Variants in CAPN14 observed in about 807,000 individuals in gnomAD.
The protein encoded by CAPN14 is calpain 14, also known as calpain-14.
CAPN14 carries 94 observed loss-of-function variants against 101.3 expected under a neutral mutation model. The ratio of observed to expected loss-of-function variants is 0.93; its 90% CI spans 0.79 to 1.10. The LOEUF is 1.10. Ranked by LOEUF, CAPN14 falls within the 50% of genes least tolerant of loss-of-function variation. The pLI, the probability that CAPN14 is intolerant of heterozygous loss-of-function variation, is 0.00. For missense variants in CAPN14, 837 were observed against 828.4 expected, an observed-to-expected ratio of 1.01 and a Z score of -0.13; for synonymous variants, 338 against 317.9, an observed-to-expected ratio of 1.06 and a Z score of -0.67.
chr2:31,215,958 C>T (rs1037799529), intron 1 of CAPN14, among the ~76,000 whole-genome samples: 1 of 151,552 alleles, frequency 6.6e-6, no homozygotes, highest in Non-Finnish European at 1.5e-5. Context: ...ATGCTTAAAT[C>T]TATGCACCAA....
chr2:31,187,689 T>C, intron 15 of CAPN14, 69 bp downstream of exon 15: 1 of 1,383,060 alleles, frequency 7.2e-7, no homozygotes, highest in Middle Eastern at 1.8e-4. Flanking sequence ...AAACCTATAC[T>C]TTATAAAATG....
At chr2:31,206,084 G>C (rs1167922300) in intron 1 of CAPN14, among the ~76,000 whole-genome samples, 4 of 146,682 alleles carry the variant, frequency 2.7e-5, no homozygotes, top group South Asian at 2.2e-4. Flanking sequence ...CCAGGCTGGA[G>C]TGCAGTGGCG....
At chr2:31,227,262 G>A (rs1355512800) in intron 1 of CAPN14, among the ~76,000 whole-genome samples, 1 of 152,164 alleles carries the variant, frequency 6.6e-6, no homozygotes, top group Non-Finnish European at 1.5e-5. Flanking sequence ...CTGCACCCAG[G>A]GATGAAACTG....
At chr2:31,224,267 A>C (rs1370075370) in intron 2 of CAPN14, among the ~76,000 whole-genome samples, 1 of 152,184 alleles carries the variant, frequency 6.6e-6, no homozygotes, top group African/African-American at 2.4e-5. Context: ...CACTCAGTAC[A>C]TAACACACAT....
chr2:31,181,119 C>T lies in CAPN14; in HGVS notation c.1646-119G>A, dbSNP rs1233894163. Reference sequence around the variant, plus strand: ...GATGACCACCATGTATGTACGTGGGCTGGGAAGAGTGAGAATGGAAGACAG... The same window carrying T: ...GATGACCACCATGTATGTACGTGGGTTGGGAAGAGTGAGAATGGAAGACAG... On this transcript the variant is annotated intron_variant, in intron 16 of 21. Coordinates refer to ENST00000403897, the MANE Select transcript of CAPN14 (RefSeq NM_001145122.2). 1.1e-5 allele frequency: 8 copies of T among 750,348 alleles called. No homozygotes were observed. The East Asian group carries it at 2.2e-4, about 20-fold the overall frequency. 46.5% of individuals were successfully genotyped at this position (750,348 alleles called of 1,614,324 possible).
intron 15 of CAPN14, 78 bp from the exon 16 acceptor site, chr2:31,186,563 GC>G: frequency 9.4e-7 from 1 of 1,065,832 alleles, no homozygotes. Flanking sequence ...CATATGACTG[GC>G]CATGAAATTA....
intron 1 of CAPN14, among the ~76,000 whole-genome samples, chr2:31,210,961 T>C (rs1000609770): frequency 2.0e-5 from 3 of 152,156 alleles, no homozygotes; most frequent in Non-Finnish European, 4.4e-5. Context: ...ATTACTAGAG[T>C]TTAACTATGT....
chr2:31,175,344 C>A (rs536342806), intron 21 of CAPN14, among the ~76,000 whole-genome samples: 4 of 152,300 alleles, frequency 2.6e-5, no homozygotes, highest in East Asian at 1.9e-4. Context: ...ACCTGTGGGG[C>A]AGCTGAGGCC....
chr2:31,225,336 T>C (rs1425950442), intron 2 of CAPN14, among the ~76,000 whole-genome samples: 2 of 151,900 alleles, frequency 1.3e-5, no homozygotes, highest in African/African-American at 4.8e-5. Context: ...AAAATGAAAA[T>C]ATTTTAAAAT....
chr2:31,185,988 G>A (rs1680881259), intron 16 of CAPN14, among the ~76,000 whole-genome samples: 1 of 152,136 alleles, frequency 6.6e-6, no homozygotes, highest in Non-Finnish European at 1.5e-5. Context: ...TCTAGGTGGT[G>A]TGCTCTCTCC....
chr2:31,218,972 T>G (rs76703495), upstream of CAPN14, among the ~76,000 whole-genome samples: 2 of 151,804 alleles, frequency 1.3e-5, no homozygotes, highest in African/African-American at 2.4e-5. Flanking sequence ...TTATTATTAT[T>G]ATCTATCTCC....
intron 16 of CAPN14, among the ~76,000 whole-genome samples, chr2:31,182,077 A>G (rs1680672594): frequency 1.3e-5 from 2 of 152,138 alleles, no homozygotes; most frequent in Non-Finnish European, 2.9e-5. Flanking sequence ...TTCTAGTTCT[A>G]GATCCCCGAG....
intron 13 of CAPN14, among the ~76,000 whole-genome samples, 177 bp downstream of exon 13, chr2:31,189,096 G>A (rs1413333919): frequency 6.6e-6 from 1 of 152,204 alleles, no homozygotes; most frequent in East Asian, 1.9e-4. Flanking sequence ...TGGAAGGAGG[G>A]TGGGAAGGAA....
rs1192733348 is a variant in CAPN14, at chr2:31,189,348, A to G, written c.1418T>C (p.Ile473Thr). 6.4e-7 allele frequency: 1 copy of G among 1,551,756 alleles called. No homozygotes were observed. Among genetic ancestry groups the G allele is most frequent in the Admixed American group, 2.0e-5 (1 of 51,012 alleles). ...GTGGGCCTCCAATATGCAGGGCACG[A>G]TGAGGTACGTCCCTGGTTCCAGACA... is the stretch of plus-strand genomic sequence containing the variant. The part of the protein sequence containing the change: ...ELCLEPGTYL[I>T]VPCILEAHQK... The change falls in exon 13 of 22, where the codon ATC becomes ACC. Residue 473 changes from isoleucine (I) to threonine (T), a missense_variant. By Grantham distance (89) the Ile-to-Thr change is moderately conservative. Transcript: ENST00000403897.
Position 31,180,952 on chromosome 2 carries a change from A to C in CAPN14, c.1694T>G (p.Ile565Ser). 6.4e-7 allele frequency: 1 copy of C among 1,551,812 alleles called. No individual in the cohort carries two copies. The highest frequency in any genetic ancestry group is 8.7e-7 in the Non-Finnish European group (1 of 1,146,980). ...AAAGGATACGTCCAGTAAGGCCAGG[A>C]TCCCCTGGCAGGCTTCCAGGCTAAA... is the stretch of plus-strand genomic sequence containing the variant. ...PFFSLEACQG[I>S]LALLDLNASG... The change falls in exon 17 of 22, where the codon ATC (isoleucine) becomes AGC (serine). Residue 565 changes from isoleucine to serine, a missense_variant. Physicochemically the swap from Ile to Ser is moderately radical, Grantham distance 142 (BLOSUM62 -2). Transcript: ENST00000403897.
rs891721494 is a variant in CAPN14, at chr2:31,200,601, C to T, written c.576G>A (p.Leu192=). The change falls in exon 6 of 22, where the codon TTG becomes TTA. Residue 192 remains leucine (L), a synonymous_variant. Transcript: ENST00000403897. ...YAKLSGSYED[L]QSGQVSEALV... ...GGGCTTCAGACACCTGTCCTGACTGCAAGTCTTCATAGGAACCAGAGAGCC... is the reference window on the plus strand; with the variant it reads ...GGGCTTCAGACACCTGTCCTGACTGTAAGTCTTCATAGGAACCAGAGAGCC... The T allele has an allele frequency of 1.9e-6, 3 of 1,550,704 alleles. No individual in the cohort carries two copies. The highest frequency in any genetic ancestry group is 2.7e-5 in the African/African-American group (2 of 73,006).
At chr2:31,231,591 C>G (rs1198624927) in intron 1 of CAPN14, among the ~76,000 whole-genome samples, 1 of 152,174 alleles carries the variant, frequency 6.6e-6, no homozygotes, top group African/African-American at 2.4e-5. Flanking sequence ...TTCAACTACT[C>G]AAGACTGAGA....
intron 1 of CAPN14, among the ~76,000 whole-genome samples, chr2:31,210,369 A>G (rs540053500): frequency 5.7e-4 from 86 of 152,074 alleles, no homozygotes; most frequent in Admixed American, 6.5e-4. Flanking sequence ...AATGGTGTGA[A>G]CCCGGGAGGC....
rs1683165150 is a variant in CAPN14 at position 31,230,717 on chromosome 2, C to T, written c.-177+3074G>A. On this transcript the variant is annotated intron_variant and NMD_transcript_variant, in intron 1 of 21. Coordinates refer to the CAPN14 transcript ENST00000398824. This position sits in a 1 kb window ranked among gnomAD's most constrained non-coding sequence, Gnocchi z 4.3. ...AATGTTTGTCTTTGTTATCGATGCA[C>T]AGCCATTAGTTCTATATTCTGGATG... Among the ~76,000 whole-genome samples, 1 of 152,196 alleles carries T rather than the reference C, an allele frequency of 6.6e-6. No homozygotes were observed. Among genetic ancestry groups the T allele is most frequent in the Non-Finnish European group, 1.5e-5 (1 of 68,038 alleles).
Sources: gnomAD v4.1 joint callset for allele counts (sites outside exome capture counted in the v4.1 genomes callset) on GRCh38, gnomAD v4.1.1 for gene constraint, Gnocchi (gnomAD v3.1) non-coding constraint, MANE v1.5 for transcripts, NCBI Gene and HGNC (gene_info 2026-07-23, HGNC 2026-07-21) for gene names.